The following RNLS variants were observed in gnomAD, a reference collection of about 807,000 sequenced individuals.
RNLS encodes renalase.
A neutral mutation model predicts 39.8 loss-of-function variants in RNLS; 39 were observed. The ratio of observed to expected loss-of-function variants is 0.98; its 90% CI spans 0.76 to 1.28. RNLS has a LOEUF of 1.28. Ranked by LOEUF, RNLS falls within the 50% of genes most tolerant of loss-of-function variation. The pLI, the probability that RNLS is intolerant of heterozygous loss-of-function variation, is 0.00. For missense variants in RNLS, 410 were observed against 413.3 expected (o/e 0.99, Z 0.07); for synonymous variants, 147 against 150.7 (o/e 0.98, Z 0.18).
At chr10:88,261,667 C>T in the RNLS span, among the ~76,000 whole-genome samples, 3 of 152,178 alleles carry the variant, frequency 2.0e-5, no homozygotes, top group Non-Finnish European at 4.4e-5. Flanking sequence ...CTACCACACC[C>T]TCCCTTTAGG....
chr10:88,203,940 T>C, the RNLS span, among the ~76,000 whole-genome samples: 1 of 152,124 alleles, frequency 6.6e-6, no homozygotes, highest in African/African-American at 2.4e-5. Context: ...TTAACATTTA[T>C]CGAGCACTTA....
the RNLS span, among the ~76,000 whole-genome samples, chr10:88,231,102 A>G: frequency 6.6e-6 from 1 of 152,136 alleles, no homozygotes; most frequent in Non-Finnish European, 1.5e-5. Context: ...CATTTTCTTT[A>G]TAGGGCTGAG....
At chr10:88,320,753 A>G (rs143339979) in intron 5 of RNLS, among the ~76,000 whole-genome samples, 551 of 150,510 alleles carry the variant, frequency 3.7e-3, no homozygotes, top group Non-Finnish European at 6.3e-3. Context: ...AAATTCTACT[A>G]TTTTAAATGT....
chr10:88,397,270 T>G (rs533067988), intron 4 of RNLS, among the ~76,000 whole-genome samples: 1 of 152,088 alleles, frequency 6.6e-6, no homozygotes, highest in East Asian at 1.9e-4. Context: ...AAAAAGCATG[T>G]TCCCTGGTAG....
At chr10:88,255,683 G>A in the RNLS span, among the ~76,000 whole-genome samples, 3 of 151,882 alleles carry the variant, frequency 2.0e-5, no homozygotes, top group African/African-American at 7.3e-5. Context: ...GAATTGCAGG[G>A]CTATGTCTCT....
At chr10:88,571,706 G>T (rs1299642084) in intron 4 of RNLS, among the ~76,000 whole-genome samples, 4 of 152,156 alleles carry the variant, frequency 2.6e-5, no homozygotes, top group Non-Finnish European at 5.9e-5. Context: ...TCTCATATCT[G>T]AATTCCTTCC....
intron 5 of RNLS, among the ~76,000 whole-genome samples, chr10:88,327,950 C>T (rs960428274): frequency 6.6e-6 from 1 of 152,072 alleles, no homozygotes; most frequent in Non-Finnish European, 1.5e-5. Context: ...GCTCTGTCAC[C>T]CAGGCTAGAG....
At chr10:88,561,088 G>A (rs1001417741) in intron 4 of RNLS, among the ~76,000 whole-genome samples, 3 of 152,060 alleles carry the variant, frequency 2.0e-5, no homozygotes, top group African/African-American at 7.2e-5. Flanking sequence ...TGAGACCGAA[G>A]TTTAAACATA....
intron 4 of RNLS, among the ~76,000 whole-genome samples, chr10:88,553,023 C>A (rs1052505498): frequency 6.6e-6 from 1 of 152,130 alleles, no homozygotes; most frequent in Non-Finnish European, 1.5e-5. Flanking sequence ...ACAAAGAGAA[C>A]CTTAGTCTAT....
chr10:88,438,819 C>T (rs557818262), intron 4 of RNLS, among the ~76,000 whole-genome samples: 2 of 152,116 alleles, frequency 1.3e-5, no homozygotes, highest in African/African-American at 4.8e-5. Context: ...ATTCCCAAGC[C>T]CAATCTTCTA....
chr10:88,356,632 A>G (rs1849211832), intron 5 of RNLS, among the ~76,000 whole-genome samples: 1 of 152,254 alleles, frequency 6.6e-6, no homozygotes, highest in African/African-American at 2.4e-5. Flanking sequence ...TTACTCAAAG[A>G]TTCTAACAAT....
chr10:88,539,557 C>G, intron 4 of RNLS, among the ~76,000 whole-genome samples: 1 of 152,056 alleles, frequency 6.6e-6, no homozygotes, highest in East Asian at 1.9e-4. Flanking sequence ...AGTATGAGCT[C>G]CATATAGCAA....
chr10:88,344,788 A>C (rs1848197528), intron 5 of RNLS, among the ~76,000 whole-genome samples: 1 of 152,086 alleles, frequency 6.6e-6, no homozygotes, highest in Non-Finnish European at 1.5e-5. Flanking sequence ...AGGATGCTTC[A>C]TTTTTTACAA....
At chr10:88,404,653 G>T (rs992829646) in intron 4 of RNLS, among the ~76,000 whole-genome samples, 5 of 151,964 alleles carry the variant, frequency 3.3e-5, no homozygotes, top group African/African-American at 9.7e-5. Context: ...AACTTATGAG[G>T]AAGTAGCAAA....
intron 4 of RNLS, among the ~76,000 whole-genome samples, chr10:88,372,187 T>G (rs1007215442): frequency 2.0e-5 from 3 of 152,162 alleles, no homozygotes; most frequent in Non-Finnish European, 4.4e-5. Context: ...TGCAGCATTG[T>G]AAAGGCTCAA....
chr10:88,562,746 A>C (rs527811778), intron 4 of RNLS, among the ~76,000 whole-genome samples: 1 of 152,280 alleles, frequency 6.6e-6, no homozygotes, highest in East Asian at 1.9e-4. Flanking sequence ...TAAATGTAAA[A>C]GGGTTGAACT....
At chr10:88,318,151 C>T (rs748921657) in intron 5 of RNLS, among the ~76,000 whole-genome samples, 3 of 152,190 alleles carry the variant, frequency 2.0e-5, no homozygotes, top group Non-Finnish European at 2.9e-5. Context: ...AATCTCTGCC[C>T]TTGAGTCACC....
intron 4 of RNLS, among the ~76,000 whole-genome samples, chr10:88,371,869 G>A (rs1235822628): frequency 6.6e-6 from 1 of 152,110 alleles, no homozygotes; most frequent in African/African-American, 2.4e-5. Flanking sequence ...TTTTTTGGAA[G>A]TTGTCAGAAG....
At chr10:88,355,576 T>TC (rs1355817767) in intron 5 of RNLS, among the ~76,000 whole-genome samples, 3 of 152,146 alleles carry the variant, frequency 2.0e-5, no homozygotes, top group Non-Finnish European at 4.4e-5. Flanking sequence ...TGTGGAGGTT[T>TC]CGTCTCAGCA....
Sources: gnomAD v4.1 joint callset for allele counts (sites outside exome capture counted in the v4.1 genomes callset) on GRCh38, gnomAD v4.1.1 for gene constraint, MANE v1.5 for transcripts, NCBI Gene and HGNC (gene_info 2026-07-23, HGNC 2026-07-21) for gene names.